The following VSIG2 variants were observed in gnomAD, a reference collection of about 807,000 sequenced individuals.
The protein encoded by VSIG2 is V-set and immunoglobulin domain-containing protein 2.
Under a neutral mutation model 29.4 loss-of-function variants are expected in VSIG2, and 30 were observed. The observed-to-expected ratio is 1.02, with a 90% CI of 0.76 to 1.38. The LOEUF is 1.38. Ranked by LOEUF, VSIG2 falls within the 40% of genes most tolerant of loss-of-function variation. The pLI is 0.00. For missense variants in VSIG2, 421 were observed against 400.8 expected (o/e 1.05, Z -0.43); for synonymous variants, 178 against 174.2 (o/e 1.02, Z -0.17).
Position 124,750,889 on chromosome 11 carries a change from T to G in VSIG2, c.252A>C (p.Pro84=). The G allele has an allele frequency of 6.2e-7, 1 of 1,614,052 alleles. No homozygotes were observed. Among genetic ancestry groups the G allele is most frequent in the Non-Finnish European group, 8.5e-7 (1 of 1,179,984 alleles). Residue 84 remains proline (P), a synonymous_variant, in exon 3 of 7, where the codon CCA becomes CCC. Transcript: ENST00000326621. ...TGACCCGCTTTGACTTAGAACCAGT[T>G]GGATACAGATGGCCATTGGTGAAGT... The part of the protein sequence containing the change: ...ILYFTNGHLY[P]TGSKSKRVSL...
chr11:124,752,097 A>C lies in VSIG2; in HGVS notation c.41T>G (p.Leu14Arg), dbSNP rs780864717. 1 of 1,606,876 alleles carries C rather than the reference A, an allele frequency of 6.2e-7. No individual in the cohort carries two copies. Among genetic ancestry groups the C allele is most frequent in the Non-Finnish European group, 8.5e-7 (1 of 1,178,836 alleles). The change falls in exon 1 of 7, where the codon CTA (leucine) becomes CGA (arginine). Residue 14 changes from leucine (L) to arginine (R), a missense_variant. Transcript: ENST00000326621. Reference protein sequence around the residue: ...LPGPFLCGALLGFLCLSGLAV... With the variant: ...LPGPFLCGALRGFLCLSGLAV... ...CTCACCACTCAGGCACAGGAAGCCT[A>C]GCAGGGCCCCGCAGAGAAAGGGCCC... is the stretch of plus-strand genomic sequence containing the variant.
intron 4 of VSIG2, 77 bp downstream of exon 4, chr11:124,749,631 A>G: frequency 1.9e-6 from 3 of 1,546,224 alleles, no homozygotes; most frequent in Non-Finnish European, 2.6e-6. Flanking sequence ...TGGAACGGAT[A>G]ATACGGGTGT....
At chr11:124,747,764 A>G (rs1944031396) in intron 6 of VSIG2, 97 bp from the exon 7 acceptor site, 2 of 1,337,944 alleles carry the variant, frequency 1.5e-6, no homozygotes, top group Non-Finnish European at 2.1e-6. Context: ...ACTGTGCTTG[A>G]GAATAATCTG....
In VSIG2 at chr11:124,751,604, G is replaced by A. The variant is rs779649265; in HGVS notation, c.62-24C>T. 6 of 1,554,998 alleles carry A rather than the reference G, an allele frequency of 3.9e-6. No homozygotes were observed. The African/African-American group carries it at 8.2e-5, about 21-fold the overall frequency. On this transcript the variant is annotated intron_variant, in intron 1 of 6. Coordinates refer to ENST00000326621, the MANE Select transcript of VSIG2 (RefSeq NM_014312.5). ...CCCTGGGGCCGGGGACCAGAGGGAG[G>A]TGGGAACCCAAATTCCAGTGATCTG...
chr11:124,751,040 T>C (rs1944079366), intron 2 of VSIG2, 119 bp from the exon 3 acceptor site: 1 of 1,073,682 alleles, frequency 9.3e-7, no homozygotes, highest in Admixed American at 2.3e-5. Context: ...GGGAGGCTGA[T>C]ACCCTTAAGC....
intron 6 of VSIG2, 101 bp from the exon 7 acceptor site, chr11:124,747,768 T>G: frequency 7.7e-7 from 1 of 1,296,446 alleles, no homozygotes; most frequent in Non-Finnish European, 1.1e-6. Context: ...TGCTTGAGAA[T>G]AATCTGCGGA....
rs755562727 is a variant in VSIG2 at position 124,749,945 on chromosome 11, G to GGGA, written c.428-80_428-79insTCC. 12,243 of 1,415,678 alleles carry GGGA rather than the reference G, an allele frequency of 8.6e-3. 61 individuals are homozygous for GGGA. Among genetic ancestry groups the GGGA allele is most frequent in the Non-Finnish European group, 0.01 (11,246 of 1,081,612 alleles). The allele number at this position is 1,415,678 out of a possible 1,614,324, so 87.7% of individuals were successfully genotyped here. A position where few individuals can be genotyped will look rare whatever the true frequency, so the allele number is the denominator to read the frequency against. On this transcript the variant is annotated intron_variant, in intron 3 of 6. Coordinates refer to ENST00000326621, the MANE Select transcript of VSIG2 (RefSeq NM_014312.5). ...AGCCCCACTCCCAACTCCATTAGGT[G>GGGA]CTACATTCTCTACTTCAATACCCCT...
chr11:124,747,662 T>C lies in VSIG2; in HGVS notation c.857A>G (p.Asp286Gly), dbSNP rs780393674. The stretch of plus-strand genomic sequence containing the variant: ...CTCAGAGATCCCAGGAGCGATGGCA[T>C]CCTCCCTGATGGGTATAGGCAAGTT... Reference protein sequence around the residue: ...ETYGGSDLREDAIAPGISEHT... With the variant: ...ETYGGSDLREGAIAPGISEHT... The change falls in exon 7 of 7, where the codon GAT (aspartate) becomes GGT (glycine). Residue 286 changes from aspartate to glycine, a missense_variant. By Grantham distance (94) the Asp-to-Gly change is moderately conservative. Transcript: ENST00000326621. 2 of 1,613,334 alleles carry C rather than the reference T, an allele frequency of 1.2e-6. No individual in the cohort carries two copies. Among genetic ancestry groups the C allele is most frequent in the Non-Finnish European group, 1.7e-6 (2 of 1,179,720 alleles).
At position 124,747,506 on chromosome 11, in the gene VSIG2, C is replaced by T. The variant is rs764649445; in HGVS notation, c.*29G>A. 6.3e-7 allele frequency: 1 copy of T among 1,589,304 alleles called. No homozygotes were observed. The highest frequency in any genetic ancestry group is 8.6e-7 in the Non-Finnish European group (1 of 1,169,504). ...CACAGACTTTAATTATTGATATTCC[C>T]CCTCACCGCCCTCAGGGATCGGGAG... On this transcript the variant is annotated 3_prime_UTR_variant, in exon 7 of 7. Coordinates refer to ENST00000326621, the MANE Select transcript of VSIG2 (RefSeq NM_014312.5).
intron 1 of VSIG2, 140 bp downstream of exon 1, chr11:124,751,937 C>T: frequency 9.5e-7 from 1 of 1,054,218 alleles, no homozygotes; most frequent in Non-Finnish European, 1.3e-6. Flanking sequence ...CCTCTCCGGC[C>T]TCACCTCAGG....
Position 124,752,141 on chromosome 11 carries a change from C to T in VSIG2, c.-4G>A, listed in dbSNP as rs1240024335. 1.3e-6 allele frequency: 2 copies of T among 1,584,790 alleles called. No homozygotes were observed. The highest frequency in any genetic ancestry group is 1.7e-6 in the Non-Finnish European group (2 of 1,170,122). ...AGGGCCCCGGGAGCTCGGCCATGGC[C>T]GCGTCCGGCCGTCCTGTCCTGCTCC... On this transcript the variant is annotated 5_prime_UTR_variant, in exon 1 of 7. Coordinates refer to ENST00000326621, the MANE Select transcript of VSIG2 (RefSeq NM_014312.5).
At chr11:124,748,581 C>CTT (rs746075272) in intron 5 of VSIG2, 47 bp from the exon 6 acceptor site, 1 of 1,607,434 alleles carries the variant, frequency 6.2e-7, no homozygotes, top group Admixed American at 1.7e-5. Context: ...CTTTCCTCGG[C>CTT]CCACCAGCCG....
rs759144137 is a variant in VSIG2 at position 124,750,742 on chromosome 11, C to A, written c.399G>T (p.Gly133=). The A allele has an allele frequency of 1.2e-6, 2 of 1,614,066 alleles. No individual in the cohort carries two copies. The highest frequency in any genetic ancestry group is 1.7e-5 in the Admixed American group (1 of 60,006). ...GCACAGTAAGGTTGATTAGCCCCAA[C>A]CCATTGGTGTAGAAATCTGGTGGGT... ...VNNPPDFYTN[G]LGLINLTVLV... The change falls in exon 3 of 7, where the codon GGG becomes GGT. Residue 133 remains glycine (G), a synonymous_variant. Transcript: ENST00000326621.
intron 4 of VSIG2, among the ~76,000 whole-genome samples, chr11:124,749,342 C>G (rs1280104467): frequency 2.0e-5 from 3 of 152,096 alleles, no homozygotes; most frequent in Non-Finnish European, 1.5e-5. Flanking sequence ...TCCAGCCAGT[C>G]CATGCTACTC....
At position 124,752,084 on chromosome 11, in the gene VSIG2, G is replaced by A; in HGVS notation, c.54C>T (p.Cys18=). Residue 18 remains cysteine (C), a synonymous_variant, in exon 1 of 7, where the codon TGC becomes TGT. Transcript: ENST00000326621. The part of the protein sequence containing the change: ...FLCGALLGFL[C]LSGLAVEVKV... ...CGCCCGGCCCCTCCTCACCACTCAG[G>A]CACAGGAAGCCTAGCAGGGCCCCGC... 2 of 1,606,448 alleles carry A rather than the reference G, an allele frequency of 1.2e-6. No individual in the cohort carries two copies. Among genetic ancestry groups the A allele is most frequent in the Non-Finnish European group, 1.7e-6 (2 of 1,178,736 alleles).
rs886195853 is a variant in VSIG2, at chr11:124,747,477, T to C, written c.*58A>G. The C allele has an allele frequency of 1.2e-5, 19 of 1,567,856 alleles. No homozygotes were observed. The highest frequency in any genetic ancestry group is 1.5e-5 in the Non-Finnish European group (17 of 1,157,910). On this transcript the variant is annotated 3_prime_UTR_variant, in exon 7 of 7. Transcript: ENST00000326621. ...CAGAAAGAAGAAGGAGACAGTATGGTACCCACAGACTTTAATTATTGATAT... is the reference window on the plus strand; with the variant it reads ...CAGAAAGAAGAAGGAGACAGTATGGCACCCACAGACTTTAATTATTGATAT...
At position 124,750,910 on chromosome 11, in the gene VSIG2, G is replaced by T; in HGVS notation, c.231C>A (p.Phe77Leu). 1 of 1,614,086 alleles carries T rather than the reference G, an allele frequency of 6.2e-7. No individual in the cohort carries two copies. Among genetic ancestry groups the T allele is most frequent in the Non-Finnish European group, 8.5e-7 (1 of 1,179,992 alleles). The change falls in exon 3 of 7, where the codon TTC becomes TTA. Residue 77 changes from phenylalanine (F) to leucine (L), a missense_variant. By Grantham distance (22) the Phe-to-Leu change is conservative. Transcript: ENST00000326621. Reference protein sequence around the residue: ...PISESHPILYFTNGHLYPTGS... With the variant: ...PISESHPILYLTNGHLYPTGS... ...CAGTTGGATACAGATGGCCATTGGT[G>T]AAGTACAGGATCTGGGGAGAGGCAG...
intron 2 of VSIG2, 21 bp from the exon 3 acceptor site, chr11:124,750,942 C>T: frequency 1.2e-6 from 2 of 1,611,382 alleles, no homozygotes; most frequent in South Asian, 1.1e-5. Context: ...GCAGAAGACA[C>T]ACATATGTGC....
chr11:124,751,402 A>G, intron 2 of VSIG2, 21 bp downstream of exon 2: 1 of 1,609,316 alleles, frequency 6.2e-7, no homozygotes, highest in Non-Finnish European at 8.5e-7. Context: ...ACCCAGCTTC[A>G]TGCAGTCGCT....
Sources: allele counts gnomAD v4.1 joint callset (sites outside exome capture counted in the v4.1 genomes callset), GRCh38; gene constraint gnomAD v4.1.1; transcripts MANE v1.5; gene names NCBI Gene and HGNC (gene_info 2026-07-23, HGNC 2026-07-21).